The following CLK4 variants were observed in gnomAD, a reference collection of about 807,000 sequenced individuals.
CLK4 encodes the protein CDC like kinase 4.
Under a neutral mutation model 64.4 loss-of-function variants are expected in CLK4, and 37 were observed. The observed-to-expected ratio is 0.57, with a 90% CI of 0.44 to 0.76. The LOEUF (loss-of-function observed/expected upper bound fraction) is 0.76, where lower values mean the gene tolerates loss of function less well. Among genes scored for constraint, CLK4 ranks in the 30% least tolerant of loss-of-function variants. The pLI, the probability that CLK4 is intolerant of heterozygous loss-of-function variation, is 0.00. For synonymous variants in CLK4, 175 were observed against 191.6 expected, an observed-to-expected ratio of 0.91 and a Z score of 0.72; for missense variants, 457 against 605.1, an observed-to-expected ratio of 0.76 and a Z score of 2.57.
At chr5:178,619,264 C>T (rs1480343120) in intron 2 of CLK4, among the ~76,000 whole-genome samples, 1 of 152,202 alleles carries the variant, frequency 6.6e-6, no homozygotes, top group Non-Finnish European at 1.5e-5. Flanking sequence ...TTACCGACGA[C>T]TACATTAAGA....
chr5:178,609,875 C>T (rs565760369), intron 9 of CLK4, among the ~76,000 whole-genome samples: 2 of 147,488 alleles, frequency 1.4e-5, no homozygotes, highest in Admixed American at 6.7e-5. Flanking sequence ...CACCACTGCA[C>T]TCCAGGCCAG....
chr5:178,609,060 G>C (rs1345688602), intron 9 of CLK4, among the ~76,000 whole-genome samples: 1 of 152,060 alleles, frequency 6.6e-6, no homozygotes, highest in Non-Finnish European at 1.5e-5. Context: ...ATAAACATCG[G>C]CGCTGTCTAT....
chr5:178,621,832 T>TA (rs398109716), intron 2 of CLK4: 5 of 152,188 alleles, frequency 3.3e-5, no homozygotes, highest in Admixed American at 6.5e-5. Flanking sequence ...ATTTTTTTTT[T>TA]AATTATAATT....
intron 5 of CLK4, among the ~76,000 whole-genome samples, chr5:178,616,175 C>T (rs572859454): frequency 4.8e-4 from 73 of 152,246 alleles, no homozygotes; most frequent in Middle Eastern, 3.4e-3. Flanking sequence ...CCGCAACCTC[C>T]GCCTTCCTCC....
intron 2 of CLK4, chr5:178,620,370 C>T (rs1219748610): frequency 8.4e-6 from 2 of 237,076 alleles, no homozygotes; most frequent in East Asian, 1.9e-4. Context: ...TGGAATACTG[C>T]ATGGAATTAG....
intron 10 of CLK4, 27 bp downstream of exon 10, chr5:178,608,349 A>T: frequency 6.8e-7 from 1 of 1,480,844 alleles, no homozygotes; most frequent in Non-Finnish European, 9.2e-7. Context: ...GTTATGAATT[A>T]TTAAATGGAA....
In CLK4 at chr5:178,605,393, T is replaced by A; in HGVS notation, c.1135-11A>T. ...TTTACTATCATGAGTCTAAAACATG[T>A]AAGAAAAAGAAATTTAGTACTCTCC... On this transcript the variant is annotated splice_polypyrimidine_tract_variant and intron_variant, in intron 10 of 12. Coordinates refer to ENST00000316308, the MANE Select transcript of CLK4 (RefSeq NM_020666.3). 1 of 1,527,084 alleles carries A rather than the reference T, an allele frequency of 6.5e-7. No individual in the cohort carries two copies. Among genetic ancestry groups the A allele is most frequent in the Admixed American group, 2.2e-5 (1 of 46,306 alleles). 94.6% of individuals were successfully genotyped at this position (1,527,084 alleles called of 1,614,324 possible). A position where few individuals can be genotyped will look rare whatever the true frequency, so the allele number is the denominator to read the frequency against.
At chr5:178,625,351 G>A (rs965560971) in intron 1 of CLK4, among the ~76,000 whole-genome samples, 29 of 150,584 alleles carry the variant, frequency 1.9e-4, no homozygotes, top group Non-Finnish European at 2.9e-5. Context: ...TGGAGCCCAA[G>A]GAAGTCAAGG....
chr5:178,622,799 A>G (rs1764726725), intron 2 of CLK4: 1 of 165,576 alleles, frequency 6.0e-6, no homozygotes, highest in Non-Finnish European at 1.3e-5. Flanking sequence ...CTAATAATAC[A>G]TGCTGCTTTT....
chr5:178,608,884 A>C (rs1189500694), intron 9 of CLK4, among the ~76,000 whole-genome samples: 2 of 152,204 alleles, frequency 1.3e-5, no homozygotes, highest in East Asian at 1.9e-4. Context: ...TGAAATTACT[A>C]ATGCCTTATC....
At chr5:178,609,300 GAAGA>G (rs1160904797) in intron 9 of CLK4, among the ~76,000 whole-genome samples, 4 of 152,142 alleles carry the variant, frequency 2.6e-5, no homozygotes, top group African/African-American at 9.7e-5. Flanking sequence ...AAAGATAAAA[GAAGA>G]AATATATTCA....
chr5:178,622,636 T>C (rs1764724634), intron 2 of CLK4: 1 of 157,614 alleles, frequency 6.3e-6, no homozygotes, highest in Non-Finnish European at 1.4e-5. Context: ...ACAGCACACA[T>C]GCTGTTGCAA....
rs919586301 is a variant in CLK4 at position 178,613,587 on chromosome 5, C to A, written c.712G>T (p.Val238Leu). 2 of 1,610,978 alleles carry A rather than the reference C, an allele frequency of 1.2e-6. No homozygotes were observed. The highest frequency in any genetic ancestry group is 2.7e-5 in the African/African-American group (2 of 74,746). ...GTACTAAGTCCCAGTAGTTCAAACA[C>A]AATACAAACATGACCATGATGATCA... ...WFDHHGHVCI[V>L]FELLGLSTYD... Residue 238 changes from valine to leucine, a missense_variant, in exon 7 of 13, where the codon GTG becomes TTG. Val to Leu is a conservative substitution (Grantham distance 32). Transcript: ENST00000316308.
chr5:178,608,530 A>G (rs1387716124), intron 9 of CLK4, 72 bp from the exon 10 acceptor site: 4 of 1,091,498 alleles, frequency 3.7e-6, no homozygotes, highest in Non-Finnish European at 5.4e-6. Context: ...ATCCTTCCCT[A>G]TATGAGTGCT....
chr5:178,607,223 C>T (rs192922572), intron 10 of CLK4, among the ~76,000 whole-genome samples: 149 of 151,952 alleles, frequency 9.8e-4, no homozygotes, highest in African/African-American at 3.4e-3. Flanking sequence ...TTGGAATCCA[C>T]TGACTTCTAG....
intron 2 of CLK4, among the ~76,000 whole-genome samples, chr5:178,621,307 C>T (rs902025795): frequency 2.0e-5 from 3 of 152,100 alleles, no homozygotes; most frequent in Non-Finnish European, 4.4e-5. Flanking sequence ...AGACTTGATA[C>T]TTTATGTTAC....
At chr5:178,604,075 A>C in intron 11 of CLK4, 141 bp from the exon 12 acceptor site, 1 of 547,644 alleles carries the variant, frequency 1.8e-6, no homozygotes, top group Non-Finnish European at 3.1e-6. Flanking sequence ...ATTTTTAAAA[A>C]CCTCAGCAAC....
At chr5:178,607,646 G>T (rs1019168467) in intron 10 of CLK4, among the ~76,000 whole-genome samples, 25 of 151,478 alleles carry the variant, frequency 1.7e-4, no homozygotes, top group South Asian at 2.1e-4. Flanking sequence ...GAGTAGCTGG[G>T]ACTACAGGCG....
intron 1 of CLK4, among the ~76,000 whole-genome samples, chr5:178,626,381 A>C (rs1372326864): frequency 6.6e-6 from 1 of 152,240 alleles, no homozygotes; most frequent in Non-Finnish European, 1.5e-5. Flanking sequence ...TAGCCTCCGC[A>C]AATTTCCACC....
Sources: gnomAD v4.1 joint callset for allele counts (sites outside exome capture counted in the v4.1 genomes callset) on GRCh38, gnomAD v4.1.1 for gene constraint, MANE v1.5 for transcripts, NCBI Gene and HGNC (gene_info 2026-07-23, HGNC 2026-07-21) for gene names.